Variants in ULK4 observed in about 807,000 individuals in gnomAD.
The protein encoded by ULK4 is inactive serine/threonine-protein kinase ULK4.
A neutral mutation model predicts 160.6 loss-of-function variants in ULK4; 133 were observed. That is an observed-to-expected ratio of 0.83 (90% confidence interval 0.72 to 0.96). The LOEUF is 0.96. ULK4 is among the 40% of genes least tolerant of loss of function. The pLI, the probability that ULK4 is intolerant of heterozygous loss-of-function variation, is 0.00. For missense variants in ULK4, 1,580 were observed against 1,499.5 expected, an observed-to-expected ratio of 1.05 and a Z score of -0.89; for synonymous variants, 534 against 539.8, an observed-to-expected ratio of 0.99 and a Z score of 0.15.
chr3:41,302,590 C>T (rs1414558549), intron 35 of ULK4, among the ~76,000 whole-genome samples: 2 of 152,204 alleles, frequency 1.3e-5, no homozygotes, highest in Non-Finnish European at 2.9e-5. Context: ...ATTTAACTAT[C>T]CGCAAAGTTC....
intron 35 of ULK4, among the ~76,000 whole-genome samples, chr3:41,371,203 C>A (rs556082091): frequency 6.6e-6 from 1 of 152,162 alleles, no homozygotes; most frequent in Admixed American, 6.5e-5. Flanking sequence ...GGGGAAGGGG[C>A]GGCTGTGGGC....
At chr3:41,922,484 T>C (rs1399032341) in intron 5 of ULK4, among the ~76,000 whole-genome samples, 6 of 150,888 alleles carry the variant, frequency 4.0e-5, no homozygotes, top group South Asian at 2.1e-4. Flanking sequence ...GGGGAGAGTA[T>C]GGAAGGAAAG....
intron 16 of ULK4, among the ~76,000 whole-genome samples, chr3:41,885,054 G>A (rs1716688): frequency 0.69 from 104,783 of 151,934 alleles, 39,449 homozygotes; most frequent in East Asian, 0.83. Context: ...GATGGGGTCC[G>A]CTATGATGCC....
At chr3:41,765,386 C>T (rs541952270) in intron 21 of ULK4, among the ~76,000 whole-genome samples, 16 of 151,882 alleles carry the variant, frequency 1.1e-4, no homozygotes, top group Admixed American at 7.2e-4. Context: ...GGGTGGGGAA[C>T]ATCACACACC....
At chr3:41,629,844 A>T (rs956023763) in intron 30 of ULK4, among the ~76,000 whole-genome samples, 2 of 152,024 alleles carry the variant, frequency 1.3e-5, no homozygotes. Context: ...AAAAAATATA[A>T]AAATTAGCCA....
intron 35 of ULK4, among the ~76,000 whole-genome samples, chr3:41,331,479 G>C (rs1158793501): frequency 6.6e-6 from 1 of 152,126 alleles, no homozygotes; most frequent in East Asian, 1.9e-4. Flanking sequence ...GTGAAAACAA[G>C]AAGAAAAATA....
intron 19 of ULK4, among the ~76,000 whole-genome samples, chr3:41,803,332 A>G (rs2040526891): frequency 6.6e-6 from 1 of 152,236 alleles, no homozygotes; most frequent in African/African-American, 2.4e-5. Flanking sequence ...TTACCAAGTT[A>G]GACCATGTTC....
chr3:41,871,605 G>A (rs528544879), intron 17 of ULK4, among the ~76,000 whole-genome samples: 48 of 152,328 alleles, frequency 3.2e-4, no homozygotes, highest in Admixed American at 3.0e-3. Context: ...ATAATGACAA[G>A]TATATTCTCA....
At chr3:41,633,282 A>G (rs577668846) in intron 30 of ULK4, among the ~76,000 whole-genome samples, 10 of 152,300 alleles carry the variant, frequency 6.6e-5, no homozygotes, top group African/African-American at 2.2e-4. Flanking sequence ...GGTTTTTTCA[A>G]TGGTTGAATC....
chr3:41,476,166 G>C (rs1353378274), intron 32 of ULK4, among the ~76,000 whole-genome samples: 2 of 152,114 alleles, frequency 1.3e-5, no homozygotes, highest in East Asian at 3.9e-4. Flanking sequence ...AGGGTACAAA[G>C]AGAGAGGGAG....
intron 2 of ULK4, among the ~76,000 whole-genome samples, chr3:41,951,691 C>T (rs2148842075): frequency 6.6e-6 from 1 of 152,282 alleles, no homozygotes; most frequent in South Asian, 2.1e-4. Flanking sequence ...TGAATGTGTC[C>T]CTCTAAAATT....
intron 25 of ULK4, among the ~76,000 whole-genome samples, chr3:41,707,423 G>A (rs78092241): frequency 0.067 from 10,117 of 152,126 alleles, 896 homozygotes; most frequent in African/African-American, 0.21. Flanking sequence ...AGAGTGAAGA[G>A]ACAACTTACG....
At chr3:41,839,863 T>C (rs1288120891) in intron 17 of ULK4, among the ~76,000 whole-genome samples, 1 of 151,988 alleles carries the variant, frequency 6.6e-6, no homozygotes, top group Admixed American at 6.6e-5. Flanking sequence ...CAGGTAAAAA[T>C]CTAACAAAAC....
At chr3:41,745,655 G>C (rs1227996436) in intron 22 of ULK4, among the ~76,000 whole-genome samples, 1 of 151,522 alleles carries the variant, frequency 6.6e-6, no homozygotes, top group East Asian at 1.9e-4. Context: ...TATGAGGCTA[G>C]TATTATATTA....
intron 30 of ULK4, among the ~76,000 whole-genome samples, chr3:41,639,909 C>G (rs994513244): frequency 6.6e-6 from 1 of 151,988 alleles, no homozygotes; most frequent in African/African-American, 2.4e-5. Context: ...GATAATGATA[C>G]CCGTGATGAC....
At chr3:41,354,078 C>G (rs1382972632) in intron 35 of ULK4, among the ~76,000 whole-genome samples, 3 of 152,182 alleles carry the variant, frequency 2.0e-5, no homozygotes, top group Admixed American at 6.5e-5. Flanking sequence ...GAGAAGGCAC[C>G]ACTGCCTGCC....
At chr3:41,602,509 A>C (rs1162785025) in intron 31 of ULK4, among the ~76,000 whole-genome samples, 1 of 152,156 alleles carries the variant, frequency 6.6e-6, no homozygotes, top group African/African-American at 2.4e-5. Flanking sequence ...TTCATGGCAA[A>C]TATACCACAG....
At chr3:41,887,699 C>T (rs1697771956) in intron 16 of ULK4, among the ~76,000 whole-genome samples, 2 of 151,728 alleles carry the variant, frequency 1.3e-5, no homozygotes, top group South Asian at 4.2e-4. Context: ...TGGGCGCCTG[C>T]AATCCCAGCT....
At chr3:41,931,659 T>A in intron 5 of ULK4, 185 bp downstream of exon 5, 2 of 665,764 alleles carry the variant, frequency 3.0e-6, no homozygotes, top group East Asian at 2.7e-5. Context: ...ACAGAGTAGA[T>A]CCACATTGAA....
Sources: allele counts gnomAD v4.1 joint callset (sites outside exome capture counted in the v4.1 genomes callset), GRCh38; gene constraint gnomAD v4.1.1; transcripts MANE v1.5; gene names NCBI Gene and HGNC (gene_info 2026-07-23, HGNC 2026-07-21).